The following MN1 variants were observed in gnomAD, a reference collection of about 807,000 sequenced individuals.
The protein encoded by MN1 is MN1 proto-oncogene, transcriptional regulator.
MN1 carries 19 observed loss-of-function variants against 86.9 expected under a neutral mutation model. The ratio of observed to expected loss-of-function variants is 0.22; its 90% confidence interval spans 0.15 to 0.32. The LOEUF (loss-of-function observed/expected upper bound fraction) is 0.32. MN1 is among the 10% of genes least tolerant of loss of function. MN1 has a pLI of 1.00. For synonymous variants in MN1, 928 were observed against 849.6 expected (o/e 1.09, Z -1.60); for missense variants, 1,841 against 1,862.0 (o/e 0.99, Z 0.21).
intron 1 of MN1, among the ~76,000 whole-genome samples, chr22:27,766,995 G>T (rs552487591): frequency 8.0e-4 from 121 of 152,104 alleles, no homozygotes; most frequent in Middle Eastern, 3.4e-3. Flanking sequence ...TCCCTCAGTG[G>T]GCTCCAGTGC....
intron 1 of MN1, among the ~76,000 whole-genome samples, chr22:27,785,975 A>G (rs1933127683): frequency 6.6e-6 from 1 of 152,270 alleles, no homozygotes; most frequent in Non-Finnish European, 1.5e-5. Context: ...CTGTTTCCTC[A>G]GCGCCTTCAG....
rs1932718112 is a variant in MN1 at position 27,748,418 on chromosome 22, C to T, written c.*2497G>A. The T allele has an allele frequency of 5.3e-6, 1 of 188,758 alleles. No individual in the cohort carries two copies. The highest frequency in any genetic ancestry group is 1.1e-5 in the Non-Finnish European group (1 of 89,404). 11.7% of individuals were successfully genotyped at this position (188,758 alleles called of 1,614,324 possible). On this transcript the variant is annotated 3_prime_UTR_variant, in exon 2 of 2. Transcript: ENST00000302326. ...AAAAAATAACACTCAATTTCATGAG[C>T]TATTGTCACAGTCTTCCAACCAAGC...
intron 1 of MN1, among the ~76,000 whole-genome samples, chr22:27,765,669 C>T (rs1932864260): frequency 6.6e-6 from 1 of 152,184 alleles, no homozygotes; most frequent in Admixed American, 6.5e-5. Context: ...ACTGAGTGGA[C>T]AGTAGTGGGG....
chr22:27,751,961 G>A (rs1298988918), intron 1 of MN1, among the ~76,000 whole-genome samples: 1 of 152,162 alleles, frequency 6.6e-6, no homozygotes, highest in Non-Finnish European at 1.5e-5. Context: ...CTCCATAGAG[G>A]TGGCTTTGAG....
intron 1 of MN1, among the ~76,000 whole-genome samples, chr22:27,778,645 G>A (rs992563259): frequency 3.3e-5 from 5 of 152,340 alleles, no homozygotes; most frequent in South Asian, 4.1e-4. Flanking sequence ...ACTGAGGCCC[G>A]GGGCAGTAAG....
At chr22:27,776,782 G>A (rs1204924696) in intron 1 of MN1, among the ~76,000 whole-genome samples, 3 of 152,106 alleles carry the variant, frequency 2.0e-5, no homozygotes, top group Non-Finnish European at 2.9e-5. Context: ...CAGACAAAAC[G>A]ACTGCAGGCC....
intron 1 of MN1, among the ~76,000 whole-genome samples, chr22:27,789,538 G>A (rs138443435): frequency 7.9e-5 from 12 of 152,302 alleles, no homozygotes; most frequent in Non-Finnish European, 8.8e-5. Context: ...AGGTGAGTTC[G>A]CTGGACTCAG....
intron 1 of MN1, among the ~76,000 whole-genome samples, chr22:27,764,249 C>A (rs1486310185): frequency 1.3e-5 from 2 of 152,166 alleles, no homozygotes; most frequent in African/African-American, 4.8e-5. Flanking sequence ...GAAACATAGC[C>A]CCTTATTGAG....
At chr22:27,760,340 G>A (rs956581470) in intron 1 of MN1, among the ~76,000 whole-genome samples, 12 of 151,580 alleles carry the variant, frequency 7.9e-5, no homozygotes, top group African/African-American at 2.7e-4. Flanking sequence ...GCAAGACTCC[G>A]TCTCAAAGAA....
Position 27,797,676 on chromosome 22 carries a change from G to A in MN1, c.2868C>T (p.Gly956=). 6.2e-7 allele frequency: 1 copy of A among 1,606,808 alleles called. No individual in the cohort carries two copies. The highest frequency in any genetic ancestry group is 1.1e-5 in the South Asian group (1 of 90,082). The part of the protein sequence containing the change: ...RKRDSGHVSP[G]TFFDKYSAAP... The stretch of plus-strand genomic sequence containing the variant: ...CCGCCGAGTACTTGTCAAAGAAGGT[G>A]CCAGGGCTCACGTGACCACTGTCCC... Residue 956 remains glycine, a synonymous_variant, in exon 1 of 2, where the codon GGC becomes GGT. Transcript: ENST00000302326.
At chr22:27,779,838 C>T (rs1933027352) in intron 1 of MN1, among the ~76,000 whole-genome samples, 2 of 152,102 alleles carry the variant, frequency 1.3e-5, no homozygotes, top group African/African-American at 4.8e-5. Context: ...GTCGGGGTGA[C>T]CTCTGCAAGG....
chr22:27,785,754 C>A (rs566236296), intron 1 of MN1, among the ~76,000 whole-genome samples: 3 of 92,424 alleles, frequency 3.2e-5, no homozygotes, highest in Non-Finnish European at 5.6e-5. Flanking sequence ...GTGCCCCCCC[C>A]CCATGGCCCC....
At chr22:27,777,015 G>A (rs549634398) in intron 1 of MN1, among the ~76,000 whole-genome samples, 2 of 152,234 alleles carry the variant, frequency 1.3e-5, no homozygotes, top group East Asian at 3.9e-4. Context: ...TTTTGCCTTG[G>A]TCTTTAAAAC....
chr22:27,764,243 C>T (rs1001664728), intron 1 of MN1, among the ~76,000 whole-genome samples: 5 of 152,220 alleles, frequency 3.3e-5, no homozygotes, highest in African/African-American at 1.2e-4. Flanking sequence ...GACTTAGAAA[C>T]ATAGCCCCTT....
chr22:27,800,433 C>A lies in MN1; in HGVS notation c.111G>T (p.Pro37=). Residue 37 remains proline (P), a synonymous_variant, in exon 1 of 2, where the codon CCG becomes CCT. Coordinates refer to ENST00000302326, the MANE Select transcript of MN1 (RefSeq NM_002430.3). ...CAGGGGGCCCCCCAGTGTGGAAAGC[C>A]GGGGCCTTAAAGTGGGTGTTCATGC... ...GLSMNTHFKA[P]AFHTGGPPGP... is the part of the protein sequence containing the mutation. 6.2e-7 allele frequency: 1 copy of A among 1,614,182 alleles called. No homozygotes were observed. The highest frequency in any genetic ancestry group is 8.5e-7 in the Non-Finnish European group (1 of 1,180,024).
At position 27,800,671 on chromosome 22, in the gene MN1, C is replaced by G; in HGVS notation, c.-128G>C. Reference sequence around the variant, plus strand: ...GACGCTCAGCACCGCGGGGGCTCAGCGCGCACCTCCACCCCGCCTGATGTG... The same window carrying G: ...GACGCTCAGCACCGCGGGGGCTCAGGGCGCACCTCCACCCCGCCTGATGTG... On this transcript the variant is annotated 5_prime_UTR_variant, in exon 1 of 2. Transcript: ENST00000302326. The G allele has an allele frequency of 3.0e-6, 4 of 1,340,868 alleles. No individual in the cohort carries two copies. The highest frequency in any genetic ancestry group is 2.6e-4 in the Middle Eastern group (1 of 3,864). 83.1% of individuals were successfully genotyped at this position (1,340,868 alleles called of 1,614,324 possible). A position where few individuals can be genotyped will look rare whatever the true frequency, so the allele number is the denominator to read the frequency against.
intron 1 of MN1, among the ~76,000 whole-genome samples, chr22:27,772,450 G>T (rs929444461): frequency 1.3e-5 from 2 of 152,186 alleles, no homozygotes; most frequent in Non-Finnish European, 2.9e-5. Flanking sequence ...ATGAAACTTG[G>T]ACTTAACAGG....
intron 1 of MN1, among the ~76,000 whole-genome samples, chr22:27,778,054 C>T (rs1393864857): frequency 2.6e-5 from 4 of 152,084 alleles, no homozygotes; most frequent in Non-Finnish European, 5.9e-5. Flanking sequence ...GTGGAGAACC[C>T]GTCACCATAT....
At chr22:27,773,426 C>T (rs913444206) in intron 1 of MN1, among the ~76,000 whole-genome samples, 8 of 152,204 alleles carry the variant, frequency 5.3e-5, no homozygotes, top group Admixed American at 3.3e-4. Flanking sequence ...CTGCTTCAGG[C>T]GACTCCAAAC....
Sources: allele counts gnomAD v4.1 joint callset (sites outside exome capture counted in the v4.1 genomes callset), GRCh38; gene constraint gnomAD v4.1.1; transcripts MANE v1.5; gene names NCBI Gene and HGNC (gene_info 2026-07-23, HGNC 2026-07-21).